Variants in VDAC3 observed in about 807,000 individuals in gnomAD.
VDAC3 encodes the protein non-selective voltage-gated ion channel VDAC3.
VDAC3 carries 7 observed loss-of-function variants against 33.9 expected under a neutral mutation model. The ratio of observed to expected loss-of-function variants is 0.21; its 90% CI spans 0.12 to 0.39. VDAC3 has a LOEUF of 0.39. VDAC3 is among the 10% of genes least tolerant of loss of function. The pLI is 1.00. For missense variants in VDAC3, 261 were observed against 334.5 expected, an observed-to-expected ratio of 0.78 and a Z score of 1.71; for synonymous variants, 100 against 122.4, an observed-to-expected ratio of 0.82 and a Z score of 1.21.
intron 1 of VDAC3, among the ~76,000 whole-genome samples, chr8:42,393,442 T>C (rs1286036911): frequency 6.6e-6 from 1 of 152,170 alleles, no homozygotes; most frequent in Non-Finnish European, 1.5e-5. Flanking sequence ...TTTCCCATGA[T>C]ACAAAGAGGG....
Position 42,395,148 on chromosome 8 carries a change from T to C in VDAC3, c.117+15T>C, listed in dbSNP as rs796619719. 1.9e-6 allele frequency: 3 copies of C among 1,613,718 alleles called. No homozygotes were observed. The African/African-American group carries it at 4.0e-5, about 22-fold the overall frequency. ...GTAGTGGAGTGGTGAGTATCTAATATATTTTTAATGAATGTAACATAATTA... is the reference window on the plus strand; with the variant it reads ...GTAGTGGAGTGGTGAGTATCTAATACATTTTTAATGAATGTAACATAATTA... On this transcript the variant is annotated intron_variant, in intron 4 of 9. Transcript: ENST00000022615.
At chr8:42,402,914 G>T (rs1332448408) in intron 7 of VDAC3, 1 of 172,440 alleles carries the variant, frequency 5.8e-6, no homozygotes. Flanking sequence ...TCCAGAATTG[G>T]TTTTATTCCT....
rs867218536 is a variant in VDAC3, at chr8:42,400,287, G to A, written c.323+584G>A. On this transcript the variant is annotated intron_variant, in intron 6 of 9. Coordinates refer to ENST00000022615, the MANE Select transcript of VDAC3 (RefSeq NM_005662.7). ...CAGGAGGCGGAGCTTGCAGTGAGCCGAGATGCACTCCAGCCTGGGCAACAG... is the reference window on the plus strand; with the variant it reads ...CAGGAGGCGGAGCTTGCAGTGAGCCAAGATGCACTCCAGCCTGGGCAACAG... Among the ~76,000 whole-genome samples the A allele has an allele frequency of 2.7e-5, 4 of 150,354 alleles. No individual in the cohort carries two copies. In the East Asian group the frequency reaches 5.8e-4, roughly 22 times the overall value.
intron 4 of VDAC3, chr8:42,396,565 A>T (rs1018649877): frequency 1.5e-6 from 1 of 654,080 alleles, no homozygotes; most frequent in Non-Finnish European, 2.7e-6. Context: ...TAGAAGAATC[A>T]TTCTCATTTT....
At chr8:42,400,741 C>T (rs1802402783) in intron 6 of VDAC3, among the ~76,000 whole-genome samples, 1 of 134,758 alleles carries the variant, frequency 7.4e-6, no homozygotes, top group East Asian at 2.3e-4. Flanking sequence ...TCTCAGCTCA[C>T]TGCAAACTCT....
chr8:42,402,483 T>A (rs531750030), intron 7 of VDAC3, among the ~76,000 whole-genome samples: 10 of 152,308 alleles, frequency 6.6e-5, no homozygotes, highest in African/African-American at 2.2e-4. Context: ...GGAACCCAGG[T>A]ACCGCTAATG....
At chr8:42,392,929 A>G (rs7004637) in intron 1 of VDAC3, among the ~76,000 whole-genome samples, 29,567 of 152,158 alleles carry the variant, frequency 0.19, 6,019 homozygotes, top group African/African-American at 0.52. Context: ...TAATATAAAA[A>G]GCCTAGAATT....
chr8:42,403,557 A>C, intron 8 of VDAC3, 96 bp downstream of exon 8: 1 of 1,279,252 alleles, frequency 7.8e-7, no homozygotes, highest in Non-Finnish European at 1.1e-6. Flanking sequence ...GTTCTTTATT[A>C]ATTTTAATAA....
chr8:42,405,298 C>G, intron 9 of VDAC3, 73 bp from the exon 10 acceptor site: 1 of 1,255,062 alleles, frequency 8.0e-7, no homozygotes, highest in African/African-American at 1.5e-5. Flanking sequence ...TTGATTCCAT[C>G]TGTTGTTTCT....
Position 42,405,559 on chromosome 8 carries a change from T to C in VDAC3, c.*97T>C, listed in dbSNP as rs1399870148. On this transcript the variant is annotated 3_prime_UTR_variant, in exon 10 of 10. Coordinates refer to ENST00000022615, the MANE Select transcript of VDAC3 (RefSeq NM_005662.7). ...AAATTCTTCTGTGAAATTTCAAAAG[T>C]GTGAACTTTTTATTCTTCCAAAGAA... The C allele has an allele frequency of 2.8e-6, 3 of 1,058,628 alleles. No individual in the cohort carries two copies. The highest frequency in any genetic ancestry group is 2.1e-5 in the Admixed American group (1 of 47,344). The allele number at this position is 1,058,628 out of a possible 1,614,324, so 65.6% of individuals were successfully genotyped here. A position where few individuals can be genotyped will look rare whatever the true frequency, so the allele number is the denominator to read the frequency against.
chr8:42,395,920 T>C (rs1261764661), intron 4 of VDAC3, among the ~76,000 whole-genome samples: 1 of 139,862 alleles, frequency 7.1e-6, no homozygotes, highest in Admixed American at 7.4e-5. Context: ...GACCAAGCCA[T>C]TGCACTCCAG....
chr8:42,404,988 A>C, intron 9 of VDAC3, 64 bp downstream of exon 9: 2 of 1,443,404 alleles, frequency 1.4e-6, no homozygotes, highest in Non-Finnish European at 1.9e-6. Context: ...CAATGAAAAT[A>C]ACCTGCAGAA....
intron 6 of VDAC3, among the ~76,000 whole-genome samples, chr8:42,400,360 T>C (rs1349785383): frequency 6.6e-6 from 1 of 151,996 alleles, no homozygotes; most frequent in East Asian, 1.9e-4. Context: ...TTCCTTTTTT[T>C]TCCCCCTCAC....
intron 4 of VDAC3, 55 bp from the exon 5 acceptor site, chr8:42,398,657 A>G (rs1419802247): frequency 3.2e-6 from 5 of 1,572,452 alleles, no homozygotes; most frequent in African/African-American, 2.7e-5. Context: ...TCCAAAGTGA[A>G]TATTTTCTAT....
rs1802485779 is a variant in VDAC3, at chr8:42,405,614, G to A, written c.*152G>A. The A allele has an allele frequency of 1.5e-6, 1 of 648,164 alleles. No homozygotes were observed. Among genetic ancestry groups the A allele is most frequent in the Non-Finnish European group, 2.6e-6 (1 of 379,100 alleles). 40.2% of individuals were successfully genotyped at this position (648,164 alleles called of 1,614,324 possible). A position where few individuals can be genotyped will look rare whatever the true frequency, so the allele number is the denominator to read the frequency against. Reference sequence around the variant, plus strand: ...AATCCTCCCCACACTGAAGTCTAGGGGTTGCGAATCCCTCCTGAGGGAGAT... The same window carrying A: ...AATCCTCCCCACACTGAAGTCTAGGAGTTGCGAATCCCTCCTGAGGGAGAT... On this transcript the variant is annotated 3_prime_UTR_variant, in exon 10 of 10. Transcript: ENST00000022615.
chr8:42,400,673 CTTTTTTTT>C (rs1188886241), intron 6 of VDAC3, among the ~76,000 whole-genome samples: 1 of 72,320 alleles, frequency 1.4e-5, no homozygotes, highest in African/African-American at 6.1e-5. Context: ...ATATTCTTTT[CTTTTTTTT>C]TTTTTTTTTT....
Position 42,405,374 on chromosome 8 carries a change from T to G in VDAC3, c.764T>G (p.Val255Gly), listed in dbSNP as rs747482628. 2 of 1,612,556 alleles carry G rather than the reference T, an allele frequency of 1.2e-6. No individual in the cohort carries two copies. The highest frequency in any genetic ancestry group is 1.7e-6 in the Non-Finnish European group (2 of 1,179,498). Residue 255 changes from valine (V) to glycine (G), a missense_variant, in exon 10 of 10, where the codon GTC (valine) becomes GGC (glycine). Coordinates refer to ENST00000022615, the MANE Select transcript of VDAC3 (RefSeq NM_005662.7). ...TGTGGTGTTTTCTTCTTCCTAGGAG[T>G]CAAATTGACTTTATCAGCTTTAATC... is the stretch of plus-strand genomic sequence containing the variant. ...LGYTQTLRPG[V>G]KLTLSALIDG... is the part of the protein sequence containing the mutation.
At chr8:42,403,118 A>G (rs1802446368) in intron 7 of VDAC3, 193 bp from the exon 8 acceptor site, 2 of 605,274 alleles carry the variant, frequency 3.3e-6, no homozygotes, top group South Asian at 2.0e-5. Context: ...TAACGTTTTA[A>G]TTAAGCAGTC....
intron 4 of VDAC3, among the ~76,000 whole-genome samples, chr8:42,395,450 T>G (rs1368969955): frequency 6.6e-6 from 1 of 152,266 alleles, no homozygotes; most frequent in African/African-American, 2.4e-5. Flanking sequence ...TCCATGATAA[T>G]GGGTTCATGG....
Sources: gnomAD v4.1 joint callset for allele counts (sites outside exome capture counted in the v4.1 genomes callset) on GRCh38, gnomAD v4.1.1 for gene constraint, MANE v1.5 for transcripts, NCBI Gene and HGNC (gene_info 2026-07-23, HGNC 2026-07-21) for gene names.